SLC24A3: variants seen among roughly 807,000 people sequenced by gnomAD.
SLC24A3 encodes the protein sodium/potassium/calcium exchanger 3.
A neutral mutation model predicts 75.8 loss-of-function variants in SLC24A3; 28 were observed. The observed-to-expected ratio is 0.37, with a 90% CI of 0.27 to 0.51. The LOEUF (loss-of-function observed/expected upper bound fraction) is 0.51. Among genes scored for constraint, SLC24A3 ranks in the 20% least tolerant of loss-of-function variants. The pLI, the probability that SLC24A3 is intolerant of heterozygous loss-of-function variation, is 0.94. For synonymous variants in SLC24A3, 372 were observed against 334.1 expected, an observed-to-expected ratio of 1.11 and a Z score of -1.24; for missense variants, 663 against 847.8, an observed-to-expected ratio of 0.78 and a Z score of 2.71.
chr20:19,417,656 A>G (rs1986850654), intron 2 of SLC24A3, among the ~76,000 whole-genome samples: 1 of 152,224 alleles, frequency 6.6e-6, no homozygotes, highest in African/African-American at 2.4e-5. Flanking sequence ...ATTAGGAACA[A>G]TTACGTAAAC....
intron 1 of SLC24A3, among the ~76,000 whole-genome samples, chr20:19,262,125 C>T (rs971577424): frequency 7.9e-5 from 12 of 152,066 alleles, no homozygotes; most frequent in South Asian, 2.1e-4. Context: ...AGAGAGAGGC[C>T]GGGCGCGGTG....
At chr20:19,352,761 A>G (rs1410232359) in intron 2 of SLC24A3, among the ~76,000 whole-genome samples, 1 of 152,192 alleles carries the variant, frequency 6.6e-6, no homozygotes, top group African/African-American at 2.4e-5. Context: ...GACATTGTGT[A>G]GGAATTTCCT....
At chr20:19,317,745 C>G (rs1010759669) in intron 2 of SLC24A3, among the ~76,000 whole-genome samples, 1 of 152,174 alleles carries the variant, frequency 6.6e-6, no homozygotes, top group African/African-American at 2.4e-5. Flanking sequence ...AATAGAATTG[C>G]TTGTCTGGGT....
chr20:19,461,552 AGG>A (rs1987676374), intron 2 of SLC24A3, among the ~76,000 whole-genome samples: 1 of 46,846 alleles, frequency 2.1e-5, no homozygotes, highest in African/African-American at 8.0e-5. Flanking sequence ...TTTTTTTTTG[AGG>A]TGGAGTCTTG....
chr20:19,308,020 C>T (rs1301057976), intron 2 of SLC24A3, among the ~76,000 whole-genome samples: 3 of 152,172 alleles, frequency 2.0e-5, no homozygotes, highest in Admixed American at 6.5e-5. Context: ...ATTAACCATA[C>T]TTGACCTCAT....
intron 2 of SLC24A3, among the ~76,000 whole-genome samples, chr20:19,485,798 C>T (rs1988119225): frequency 6.6e-6 from 1 of 152,178 alleles, no homozygotes; most frequent in South Asian, 2.1e-4. Context: ...ACTCACATTG[C>T]TAGAATCTCA....
At chr20:19,422,879 G>C (rs1161041304) in intron 2 of SLC24A3, among the ~76,000 whole-genome samples, 1 of 152,178 alleles carries the variant, frequency 6.6e-6, no homozygotes, top group Non-Finnish European at 1.5e-5. Flanking sequence ...GAGCCCTTTT[G>C]CCTGCAGGCC....
At chr20:19,497,397 G>A (rs961612406) in intron 2 of SLC24A3, among the ~76,000 whole-genome samples, 1 of 152,130 alleles carries the variant, frequency 6.6e-6, no homozygotes, top group South Asian at 2.1e-4. Flanking sequence ...TATGTCCTCC[G>A]GGGTCATGTT....
At chr20:19,484,596 C>A (rs561991468) in intron 2 of SLC24A3, among the ~76,000 whole-genome samples, 6 of 152,254 alleles carry the variant, frequency 3.9e-5, no homozygotes, top group African/African-American at 1.4e-4. Flanking sequence ...CACAAAAAGG[C>A]AAATGCTATA....
At chr20:19,440,763 A>G (rs2122467398) in intron 2 of SLC24A3, among the ~76,000 whole-genome samples, 1 of 151,914 alleles carries the variant, frequency 6.6e-6, no homozygotes, top group East Asian at 1.9e-4. Flanking sequence ...CAGAGGAAGA[A>G]GAACGATGAG....
intron 12 of SLC24A3, among the ~76,000 whole-genome samples, chr20:19,688,296 A>T (rs1275237843): frequency 6.6e-6 from 1 of 152,148 alleles, no homozygotes; most frequent in African/African-American, 2.4e-5. Flanking sequence ...ACCTAGAGGC[A>T]CTCAGCAATC....
At chr20:19,658,411 C>G (rs2032289153) in intron 7 of SLC24A3, among the ~76,000 whole-genome samples, 2 of 152,316 alleles carry the variant, frequency 1.3e-5, no homozygotes, top group South Asian at 4.1e-4. Flanking sequence ...CAACAGAGCT[C>G]AGAACAGTTC....
chr20:19,552,323 G>T (rs1022872565), intron 3 of SLC24A3, among the ~76,000 whole-genome samples: 1 of 152,102 alleles, frequency 6.6e-6, no homozygotes, highest in Non-Finnish European at 1.5e-5. Flanking sequence ...TCCTGTCTGC[G>T]CAAGCAAAGC....
chr20:19,373,139 G>A (rs887710211), intron 2 of SLC24A3, among the ~76,000 whole-genome samples: 1 of 152,024 alleles, frequency 6.6e-6, no homozygotes, highest in Non-Finnish European at 1.5e-5. Flanking sequence ...GTGGGATCCT[G>A]TGCCTGTCTC....
chr20:19,707,624 A>G (rs563555527), intron 15 of SLC24A3, among the ~76,000 whole-genome samples: 1 of 150,750 alleles, frequency 6.6e-6, no homozygotes, highest in Non-Finnish European at 1.5e-5. Flanking sequence ...GATGACAAAA[A>G]GAGATTCTTT....
intron 2 of SLC24A3, among the ~76,000 whole-genome samples, chr20:19,360,732 A>G (rs1486822302): frequency 1.3e-5 from 2 of 152,252 alleles, no homozygotes; most frequent in African/African-American, 4.8e-5. Context: ...ATCACAGCAC[A>G]TGTGACAACA....
chr20:19,493,626 TG>T, intron 2 of SLC24A3, among the ~76,000 whole-genome samples: 1 of 151,364 alleles, frequency 6.6e-6, no homozygotes, highest in Non-Finnish European at 1.5e-5. Context: ...TGTCAGGGGG[TG>T]GGTAAGAGGA....
At chr20:19,512,549 A>G (rs1484750658) in intron 2 of SLC24A3, among the ~76,000 whole-genome samples, 3 of 152,232 alleles carry the variant, frequency 2.0e-5, no homozygotes, top group Non-Finnish European at 2.9e-5. Flanking sequence ...TCATTCAGCC[A>G]GTTGCTGTTC....
intron 2 of SLC24A3, among the ~76,000 whole-genome samples, chr20:19,482,001 T>C (rs915818527): frequency 6.6e-6 from 1 of 152,092 alleles, no homozygotes; most frequent in African/African-American, 2.4e-5. Flanking sequence ...TGTGCACACA[T>C]CTCCACTGCA....
Sources: allele counts gnomAD v4.1 joint callset (sites outside exome capture counted in the v4.1 genomes callset), GRCh38; gene constraint gnomAD v4.1.1; transcripts MANE v1.5; gene names NCBI Gene and HGNC (gene_info 2026-07-23, HGNC 2026-07-21).